The following PCDHA8 variants were observed in gnomAD, a reference collection of about 807,000 sequenced individuals.
PCDHA8 encodes protocadherin alpha-8.
Under a neutral mutation model 61.8 loss-of-function variants are expected in PCDHA8, and 53 were observed. That is an observed-to-expected ratio of 0.86 (90% CI 0.69 to 1.08). PCDHA8 has a LOEUF of 1.08. Ranked by LOEUF, PCDHA8 falls within the 50% of genes least tolerant of loss-of-function variation. PCDHA8 has a pLI of 0.00. For synonymous variants in PCDHA8, 618 were observed against 556.6 expected, an observed-to-expected ratio of 1.11 and a Z score of -1.55; for missense variants, 1,293 against 1,245.0, an observed-to-expected ratio of 1.04 and a Z score of -0.58.
chr5:140,916,687 T>G (rs265312), intron 1 of PCDHA8, among the ~76,000 whole-genome samples: 87,944 of 152,010 alleles, frequency 0.58, 26,395 homozygotes, highest in African/African-American at 0.75. Flanking sequence ...TTTACTCTTT[T>G]CTCTCCTCTC....
chr5:141,011,104 C>G lies in PCDHA8; in HGVS notation c.*1167C>G, dbSNP rs1396728499. The G allele has an allele frequency of 6.5e-6, 1 of 153,844 alleles. No homozygotes were observed. Among genetic ancestry groups the G allele is most frequent in the Non-Finnish European group, 1.5e-5 (1 of 68,020 alleles). The allele number at this position is 153,844 out of a possible 1,614,324, so 9.5% of individuals were successfully genotyped here. A position where few individuals can be genotyped will look rare whatever the true frequency, so the allele number is the denominator to read the frequency against. On this transcript the variant is annotated 3_prime_UTR_variant, in exon 4 of 4. Transcript: ENST00000531613. ...GATCTCTCTTTCTCTCTCTCTCTCT[C>G]TTTTCTAAGAAACAATTATGTGCAC... is the stretch of plus-strand genomic sequence containing the variant.
chr5:140,909,496 G>C (rs1554193832), intron 1 of PCDHA8, among the ~76,000 whole-genome samples: 1 of 152,168 alleles, frequency 6.6e-6, no homozygotes, highest in African/African-American at 2.4e-5. Context: ...GCTGAACGGG[G>C]ATGTGGTGGG....
intron 1 of PCDHA8, chr5:140,927,184 G>A (rs781951426): frequency 1.2e-6 from 2 of 1,614,160 alleles, no homozygotes; most frequent in South Asian, 1.1e-5. Context: ...CTTGACCTAC[G>A]ACCTGGTGCT....
intron 1 of PCDHA8, among the ~76,000 whole-genome samples, chr5:140,890,587 G>T (rs2062701287): frequency 6.6e-6 from 1 of 151,988 alleles, no homozygotes; most frequent in African/African-American, 2.4e-5. Flanking sequence ...TTATTTGGAA[G>T]CCCTTTTCCG....
rs782457236 is a variant in PCDHA8 at position 140,883,560 on chromosome 5, G to A, written c.2394+39845G>A. 2 of 1,614,184 alleles carry A rather than the reference G, an allele frequency of 1.2e-6. No homozygotes were observed. Among genetic ancestry groups the A allele is most frequent in the Admixed American group, 1.7e-5 (1 of 60,028 alleles). ...CTGGTGGTGACCGCGCGGGACGGGGGCTCGCCTTCGCTGTGGGCCACGGCC... is the reference window on the plus strand; with the variant it reads ...CTGGTGGTGACCGCGCGGGACGGGGACTCGCCTTCGCTGTGGGCCACGGCC... On this transcript the variant is annotated intron_variant, in intron 1 of 3. Coordinates refer to ENST00000531613, the MANE Select transcript of PCDHA8 (RefSeq NM_018911.3).
chr5:140,875,556 C>T (rs781896642), intron 1 of PCDHA8: 4 of 1,614,128 alleles, frequency 2.5e-6, no homozygotes, highest in South Asian at 2.2e-5. Context: ...AGGTGGGGAG[C>T]GGCCAGCTCC....
intron 1 of PCDHA8, chr5:140,877,065 G>T (rs782807909): frequency 6.2e-7 from 1 of 1,613,044 alleles, no homozygotes; most frequent in Non-Finnish European, 8.5e-7. Flanking sequence ...TGGAGCTGCT[G>T]CAGTTCCAGG....
chr5:140,886,097 A>G (rs1341108712), intron 1 of PCDHA8, among the ~76,000 whole-genome samples: 1 of 152,214 alleles, frequency 6.6e-6, no homozygotes, highest in Non-Finnish European at 1.5e-5. Context: ...ATTGACATTG[A>G]TACAGTAAAG....
chr5:140,918,021 A>G (rs2078482403), intron 1 of PCDHA8, among the ~76,000 whole-genome samples: 2 of 152,190 alleles, frequency 1.3e-5, no homozygotes, highest in South Asian at 2.1e-4. Flanking sequence ...CTTCCTACCC[A>G]TGAGCGTGGA....
At position 140,873,044 on chromosome 5, in the gene PCDHA8, A is replaced by T. The variant is rs115529200; in HGVS notation, c.2394+29329A>T. Among the ~76,000 whole-genome samples, 1,019 of 152,290 alleles carry T rather than the reference A, an allele frequency of 6.7e-3. 5 individuals are homozygous for T. Among genetic ancestry groups the T allele is most frequent in the Admixed American group, 0.012 (189 of 15,302 alleles). On this transcript the variant is annotated intron_variant, in intron 1 of 3. Coordinates refer to ENST00000531613, the MANE Select transcript of PCDHA8 (RefSeq NM_018911.3). ...TTCTTACTACACGTAGAGTGGTGGT[A>T]TTACAGACTTTCTTGAGAATCATAT...
Position 140,912,662 on chromosome 5 carries a change from T to C in PCDHA8, c.2395-66287T>C, listed in dbSNP as rs145118694. 1.9e-3 allele frequency among the ~76,000 whole-genome samples: 286 copies of C among 152,264 alleles called. 1 individual carries two copies. The highest frequency in any genetic ancestry group is 6.7e-3 in the African/African-American group (280 of 41,548). Reference sequence around the variant, plus strand: ...CTATGTTGAATAGAAGTGGTGAAAATGGGCATCCTTGACTTATTCCAGGTC... The same window carrying C: ...CTATGTTGAATAGAAGTGGTGAAAACGGGCATCCTTGACTTATTCCAGGTC... On this transcript the variant is annotated intron_variant, in intron 1 of 3. Coordinates refer to ENST00000531613, the MANE Select transcript of PCDHA8 (RefSeq NM_018911.3).
intron 1 of PCDHA8, chr5:140,928,813 C>T: frequency 6.2e-7 from 1 of 1,614,118 alleles, no homozygotes; most frequent in Non-Finnish European, 8.5e-7. Flanking sequence ...GGTTCGGGAC[C>T]ATGGAGACCC....
intron 1 of PCDHA8, chr5:140,875,216 A>G: frequency 1.4e-6 from 1 of 717,612 alleles, no homozygotes. Flanking sequence ...ACCGAAAAGA[A>G]CCTCAGGATC....
intron 1 of PCDHA8, among the ~76,000 whole-genome samples, chr5:140,897,980 A>C (rs1313292712): frequency 6.6e-6 from 1 of 152,206 alleles, no homozygotes. Context: ...GGCTGCATAA[A>C]TGTCTTCTTT....
intron 1 of PCDHA8, chr5:140,929,236 A>C (rs782440521): frequency 3.1e-6 from 5 of 1,613,890 alleles, no homozygotes; most frequent in Non-Finnish European, 3.4e-6. Flanking sequence ...CGACCTGCGA[A>C]ATCTTGCCAC....
In PCDHA8 at chr5:140,849,164, T is replaced by A. The variant is rs2150431781; in HGVS notation, c.2394+5449T>A. On this transcript the variant is annotated intron_variant, in intron 1 of 3. Transcript: ENST00000531613. The stretch of plus-strand genomic sequence containing the variant: ...CCGATGGAGGCAAACCCGAGCTGAC[T>A]GGCACCGTTCAATTACTCATCACGG... 2.2e-5 allele frequency: 26 copies of A among 1,167,304 alleles called. No homozygotes were observed. In the East Asian group the frequency reaches 6.1e-4, roughly 28 times the overall value. 72.3% of individuals were successfully genotyped at this position (1,167,304 alleles called of 1,614,324 possible).
chr5:140,870,082 C>A lies in PCDHA8; in HGVS notation c.2394+26367C>A, dbSNP rs1326686779. 1.9e-6 allele frequency: 3 copies of A among 1,613,708 alleles called. No individual in the cohort carries two copies. In the Admixed American group the frequency reaches 5.0e-5, roughly 27 times the overall value. ...AGTACAGGCTACAGATAAGGGGACT[C>A]CCCCAATGGCAGGTCACTGTACAGT... On this transcript the variant is annotated intron_variant, in intron 1 of 3. Transcript: ENST00000531613.
intron 1 of PCDHA8, chr5:140,884,458 C>A: frequency 6.2e-7 from 1 of 1,613,736 alleles, no homozygotes; most frequent in Non-Finnish European, 8.5e-7. Flanking sequence ...CCACCGAGGG[C>A]GCGTGCGCGC....
intron 1 of PCDHA8, among the ~76,000 whole-genome samples, chr5:140,894,198 T>A (rs1431922646): frequency 3.9e-5 from 6 of 152,168 alleles, no homozygotes; most frequent in African/African-American, 1.4e-4. Flanking sequence ...ATTTTTTCTA[T>A]GCTATTATAT....
Sources: allele counts gnomAD v4.1 joint callset (sites outside exome capture counted in the v4.1 genomes callset), GRCh38; gene constraint gnomAD v4.1.1; transcripts MANE v1.5; gene names NCBI Gene and HGNC (gene_info 2026-07-23, HGNC 2026-07-21).